The following CFTR variants were observed in gnomAD, a reference collection of about 807,000 sequenced individuals.
CFTR encodes CF transmembrane conductance regulator.
A neutral mutation model predicts 171.6 loss-of-function variants in CFTR; 181 were observed. That is an observed-to-expected ratio of 1.05 (90% CI 0.93 to 1.19). The LOEUF is 1.19. CFTR is among the 50% of genes most tolerant of loss of function. The probability of loss-of-function intolerance (pLI) is 0.00; values close to 1 mark genes in which losing one functional copy is unlikely to be tolerated. For missense variants in CFTR, 1,968 were observed against 1,734.7 expected, an observed-to-expected ratio of 1.13 and a Z score of -2.39; for synonymous variants, 583 against 608.0, an observed-to-expected ratio of 0.96 and a Z score of 0.60.
At chr7:117,525,899 T>C (rs1798769062) in intron 3 of CFTR, among the ~76,000 whole-genome samples, 1 of 150,636 alleles carries the variant, frequency 6.6e-6, no homozygotes, top group Admixed American at 6.6e-5. Context: ...GTTAATATTG[T>C]TATGTGTGAA....
At chr7:117,584,386 G>T (rs213960) in intron 11 of CFTR, among the ~76,000 whole-genome samples, 1 of 152,192 alleles carries the variant, frequency 6.6e-6, no homozygotes, top group Non-Finnish European at 1.5e-5. Flanking sequence ...ATTCTTCTAC[G>T]TGTGGCTTGC....
chr7:117,549,057 C>T (rs1037363871), intron 10 of CFTR, among the ~76,000 whole-genome samples: 1 of 152,228 alleles, frequency 6.6e-6, no homozygotes, highest in African/African-American at 2.4e-5. Flanking sequence ...ATATTTTGCA[C>T]CACATTCAAC....
chr7:117,636,082 G>T (rs963112359), intron 22 of CFTR, among the ~76,000 whole-genome samples: 6 of 151,932 alleles, frequency 3.9e-5, no homozygotes, highest in South Asian at 2.1e-4. Flanking sequence ...ATTTTTGTTT[G>T]TCTGATAGAG....
chr7:117,492,519 A>T (rs1250496635), intron 1 of CFTR, among the ~76,000 whole-genome samples: 1 of 152,062 alleles, frequency 6.6e-6, no homozygotes, highest in Admixed American at 6.6e-5. Flanking sequence ...GAACAACATG[A>T]TGGAGATAAA....
At chr7:117,556,418 T>C (rs1325336925) in intron 10 of CFTR, among the ~76,000 whole-genome samples, 1 of 152,064 alleles carries the variant, frequency 6.6e-6, no homozygotes, top group African/African-American at 2.4e-5. Context: ...TCTTTTCCCC[T>C]GATTCTGTTT....
chr7:117,552,302 A>G (rs986788918), intron 10 of CFTR, among the ~76,000 whole-genome samples: 27 of 151,904 alleles, frequency 1.8e-4, no homozygotes, highest in African/African-American at 6.0e-4. Context: ...TCCAATATGC[A>G]TATATATATT....
At chr7:117,539,983 G>T in intron 7 of CFTR, 117 bp from the exon 8 acceptor site, 1 of 846,012 alleles carries the variant, frequency 1.2e-6, no homozygotes, top group African/African-American at 1.7e-5. Context: ...TGTGGAGCCA[G>T]GTTAAAAATA....
intron 11 of CFTR, among the ~76,000 whole-genome samples, chr7:117,566,223 C>T (rs1791599440): frequency 6.7e-6 from 1 of 149,756 alleles, no homozygotes; most frequent in Admixed American, 6.7e-5. Context: ...CACAGGAGGC[C>T]AGGAGTTCAA....
chr7:117,515,672 T>C (rs1371645814), intron 3 of CFTR, among the ~76,000 whole-genome samples: 1 of 152,218 alleles, frequency 6.6e-6, no homozygotes, highest in Admixed American at 6.5e-5. Context: ...AAAATAATTT[T>C]TTTTTATTCT....
At chr7:117,574,964 C>T (rs762066827) in intron 11 of CFTR, among the ~76,000 whole-genome samples, 10 of 151,912 alleles carry the variant, frequency 6.6e-5, no homozygotes, top group Non-Finnish European at 1.3e-4. Flanking sequence ...TTGTTTTGTA[C>T]CCATAACGTG....
intron 3 of CFTR, among the ~76,000 whole-genome samples, chr7:117,512,350 G>A (rs931285789): frequency 2.0e-5 from 3 of 152,050 alleles, no homozygotes; most frequent in Admixed American, 6.6e-5. Context: ...TAGCAAGTCC[G>A]GGCACGGGGG....
chr7:117,546,918 G>C (rs952728514), intron 9 of CFTR, among the ~76,000 whole-genome samples: 8 of 152,096 alleles, frequency 5.3e-5, no homozygotes, highest in African/African-American at 1.9e-4. Context: ...TTTGGTCAAG[G>C]GTGAGTTGGT....
At chr7:117,636,148 T>C (rs558433471) in intron 22 of CFTR, among the ~76,000 whole-genome samples, 4 of 152,306 alleles carry the variant, frequency 2.6e-5, no homozygotes, top group African/African-American at 7.2e-5. Context: ...GAACTCTAGA[T>C]TGGTGATTTC....
intron 26 of CFTR, among the ~76,000 whole-genome samples, chr7:117,665,890 C>G (rs1179597038): frequency 6.6e-6 from 1 of 152,084 alleles, no homozygotes; most frequent in Non-Finnish European, 1.5e-5. Flanking sequence ...AAAAAAGGTC[C>G]CTGTGATTCT....
intron 1 of CFTR, among the ~76,000 whole-genome samples, chr7:117,497,877 G>T (rs993404812): frequency 1.3e-5 from 2 of 151,888 alleles, no homozygotes; most frequent in African/African-American, 2.4e-5. Context: ...TAATGAAAAA[G>T]AATTCTTTCC....
chr7:117,571,193 T>C (rs1791682229), intron 11 of CFTR, among the ~76,000 whole-genome samples: 1 of 152,130 alleles, frequency 6.6e-6, no homozygotes, highest in Non-Finnish European at 1.5e-5. Context: ...TGGTAGGAAC[T>C]TCAGAAGTGA....
In CFTR at chr7:117,603,539, C is replaced by G. The variant is rs61738523; in HGVS notation, c.2665C>G (p.Leu889Val). Residue 889 changes from leucine (L) to valine (V), a missense_variant, in exon 17 of 27, where the codon CTT (leucine) becomes GTT (valine). Leu to Val is a conservative substitution (Grantham distance 32). Transcript: ENST00000003084. ...VVLWLLGNTP[L>V]QDKGNSTHSR... is the part of the protein sequence containing the mutation. ...TTCCTATTTGCTTTACAGCACTCCTCTTCAAGACAAAGGGAATAGTACTCA... is the reference window on the plus strand; with the variant it reads ...TTCCTATTTGCTTTACAGCACTCCTGTTCAAGACAAAGGGAATAGTACTCA... 1 of 1,613,924 alleles carries G rather than the reference C, an allele frequency of 6.2e-7. No homozygotes were observed. Among genetic ancestry groups the G allele is most frequent in the Admixed American group, 1.7e-5 (1 of 59,964 alleles).
intron 9 of CFTR, among the ~76,000 whole-genome samples, chr7:117,547,999 G>A (rs1416067223): frequency 6.6e-6 from 1 of 152,118 alleles, no homozygotes; most frequent in Admixed American, 6.5e-5. Context: ...CTTCCCACGG[G>A]GGCAATAGTG....
rs201864483 is a variant in CFTR, at chr7:117,603,558, G to C, written c.2684G>C (p.Ser895Thr). 433 of 1,613,842 alleles carry C rather than the reference G, an allele frequency of 2.7e-4. No individual in the cohort carries two copies. Among genetic ancestry groups the C allele is most frequent in the Non-Finnish European group, 3.6e-4 (426 of 1,179,902 alleles). ...ACTCCTCTTCAAGACAAAGGGAATA[G>C]TACTCATAGTAGAAATAACAGCTAT... The part of the protein sequence containing the change: ...GNTPLQDKGN[S>T]THSRNNSYAV... The change falls in exon 17 of 27, where the codon AGT becomes ACT. Residue 895 changes from serine (S) to threonine (T), a missense_variant. Transcript: ENST00000003084.
Sources: allele counts gnomAD v4.1 joint callset (sites outside exome capture counted in the v4.1 genomes callset), GRCh38; gene constraint gnomAD v4.1.1; transcripts MANE v1.5; gene names NCBI Gene and HGNC (gene_info 2026-07-23, HGNC 2026-07-21).